The following EPHB1 variants were observed in gnomAD, a reference collection of about 807,000 sequenced individuals.
The protein encoded by EPHB1 is ephrin type-B receptor 1.
EPHB1 carries 30 observed loss-of-function variants against 94.4 expected under a neutral mutation model. The ratio of observed to expected loss-of-function variants is 0.32; its 90% CI spans 0.24 to 0.43. The LOEUF (loss-of-function observed/expected upper bound fraction) is 0.43, where lower values mean the gene tolerates loss of function less well. Among genes scored for constraint, EPHB1 ranks in the 20% least tolerant of loss-of-function variants. EPHB1 has a pLI of 1.00. For synonymous variants in EPHB1, 522 were observed against 489.1 expected, an observed-to-expected ratio of 1.07 and a Z score of -0.89; for missense variants, 1,055 against 1,308.3, an observed-to-expected ratio of 0.81 and a Z score of 2.99.
chr3:134,905,611 T>C (rs749060336), intron 1 of EPHB1, among the ~76,000 whole-genome samples: 92 of 152,166 alleles, frequency 6.0e-4, no homozygotes, highest in Non-Finnish European at 1.1e-3. Context: ...CAGCAGGTGG[T>C]GAGGTGGTTT....
intron 1 of EPHB1, among the ~76,000 whole-genome samples, chr3:134,868,500 G>A (rs1206335765): frequency 6.6e-6 from 1 of 152,164 alleles, no homozygotes; most frequent in Non-Finnish European, 1.5e-5. Flanking sequence ...TGGGAGAGAG[G>A]AAGTAAGGTG....
At chr3:135,012,207 A>G (rs748637441) in intron 3 of EPHB1, among the ~76,000 whole-genome samples, 2 of 152,214 alleles carry the variant, frequency 1.3e-5, no homozygotes, top group Non-Finnish European at 2.9e-5. Context: ...CTGCTCCAGG[A>G]CAGAGTAGTG....
At chr3:135,150,339 T>A (rs1941155093) in intron 5 of EPHB1, among the ~76,000 whole-genome samples, 1 of 152,228 alleles carries the variant, frequency 6.6e-6, no homozygotes, top group Non-Finnish European at 1.5e-5. Flanking sequence ...AGGAGCTATT[T>A]GTTCACCCTG....
chr3:134,797,730 ACCCCCGGTGCGGTGGCTTC>A (rs1183585617), intron 1 of EPHB1, among the ~76,000 whole-genome samples: 1 of 151,436 alleles, frequency 6.6e-6, no homozygotes, highest in Non-Finnish European at 1.5e-5. Flanking sequence ...GGAGCCACTT[ACCCCCGGTGCGGTGGCTTC>A]CCTTGCTGCA....
At chr3:134,955,103 T>TTTTTTTTTTTTA (rs1559770507) in intron 3 of EPHB1, among the ~76,000 whole-genome samples, 6 of 44,518 alleles carry the variant, frequency 1.3e-4, no homozygotes, top group Admixed American at 3.0e-4. Context: ...TTTTTTTTTT[T>TTTTTTTTTTTTA]AATTTTTTTT....
At chr3:134,912,598 G>A (rs1465858752) in intron 1 of EPHB1, among the ~76,000 whole-genome samples, 1 of 152,204 alleles carries the variant, frequency 6.6e-6, no homozygotes, top group Non-Finnish European at 1.5e-5. Context: ...AGGAATCTGA[G>A]TCAGGAGAAG....
At chr3:135,229,676 T>G (rs1351074583) in intron 12 of EPHB1, among the ~76,000 whole-genome samples, 1 of 152,156 alleles carries the variant, frequency 6.6e-6, no homozygotes, top group East Asian at 1.9e-4. Context: ...GTCTCCAAGT[T>G]GGCTAAGCAG....
intron 1 of EPHB1, among the ~76,000 whole-genome samples, chr3:134,810,131 T>C (rs1333938401): frequency 6.6e-6 from 1 of 152,242 alleles, no homozygotes; most frequent in Non-Finnish European, 1.5e-5. Context: ...TCTGAGGTCC[T>C]AGGAGATAAA....
At position 135,172,459 on chromosome 3, in the gene EPHB1, G is replaced by A. The variant is rs949760805; in HGVS notation, c.1759+5453G>A. 5.9e-5 allele frequency among the ~76,000 whole-genome samples: 9 copies of A among 152,210 alleles called. No homozygotes were observed. The South Asian group carries it at 1.2e-3, about 21-fold the overall frequency. On this transcript the variant is annotated intron_variant, in intron 9 of 15. Coordinates refer to ENST00000398015, the MANE Select transcript of EPHB1 (RefSeq NM_004441.5). ...CAGAGACTAGATAGCTGTCAGTAAA[G>A]GATGCTAGAGAGATTTCTGCTTTAG...
chr3:134,931,892 A>G (rs2038911322), intron 2 of EPHB1, among the ~76,000 whole-genome samples: 1 of 152,154 alleles, frequency 6.6e-6, no homozygotes, highest in Admixed American at 6.5e-5. Flanking sequence ...GCATACATGT[A>G]CATATGTATA....
chr3:134,805,887 C>G (rs79549395), intron 1 of EPHB1, among the ~76,000 whole-genome samples: 4,175 of 152,206 alleles, frequency 0.027, 137 homozygotes, highest in African/African-American at 0.064. Flanking sequence ...TCTATGGGAT[C>G]ACATTCCACA....
At chr3:134,921,089 C>T (rs1218519567) in intron 1 of EPHB1, among the ~76,000 whole-genome samples, 2 of 152,162 alleles carry the variant, frequency 1.3e-5, no homozygotes, top group African/African-American at 2.4e-5. Context: ...TCCCAGGTTC[C>T]TGCAAGTCAA....
intron 3 of EPHB1, among the ~76,000 whole-genome samples, chr3:134,976,948 C>G (rs1181126604): frequency 6.6e-6 from 1 of 152,140 alleles, no homozygotes; most frequent in Non-Finnish European, 1.5e-5. Flanking sequence ...CTATTTGAAA[C>G]CCAGTTCATC....
chr3:135,002,659 A>G (rs1935227189), intron 3 of EPHB1, among the ~76,000 whole-genome samples: 1 of 152,108 alleles, frequency 6.6e-6, no homozygotes, highest in Non-Finnish European at 1.5e-5. Flanking sequence ...CTATTCAGAG[A>G]TTCAACTTCT....
At chr3:134,895,828 G>C (rs1351595627) in intron 1 of EPHB1, among the ~76,000 whole-genome samples, 1 of 152,176 alleles carries the variant, frequency 6.6e-6, no homozygotes, top group Admixed American at 6.5e-5. Flanking sequence ...GGGTGAAGGA[G>C]TTTATGCAAT....
intron 1 of EPHB1, among the ~76,000 whole-genome samples, chr3:134,873,204 T>G (rs6439532): frequency 0.45 from 68,727 of 151,686 alleles, 18,087 homozygotes; most frequent in African/African-American, 0.74. Context: ...GAGCGAGAGG[T>G]TATGACAGCA....
chr3:135,211,619 G>A (rs1943034913), intron 12 of EPHB1, among the ~76,000 whole-genome samples: 1 of 152,100 alleles, frequency 6.6e-6, no homozygotes. Context: ...TTGTTTCATT[G>A]TCTTGTGGTT....
At chr3:134,996,540 GT>G (rs1438010870) in intron 3 of EPHB1, among the ~76,000 whole-genome samples, 1 of 152,118 alleles carries the variant, frequency 6.6e-6, no homozygotes, top group Non-Finnish European at 1.5e-5. Flanking sequence ...TTGGATTAAA[GT>G]TTTTCTCATT....
intron 15 of EPHB1, among the ~76,000 whole-genome samples, chr3:135,257,503 G>A: frequency 6.6e-6 from 1 of 152,108 alleles, no homozygotes. Flanking sequence ...GCCCCTGCTG[G>A]GGGGTGCCTC....
Sources: allele counts gnomAD v4.1 joint callset (sites outside exome capture counted in the v4.1 genomes callset), GRCh38; gene constraint gnomAD v4.1.1; transcripts MANE v1.5; gene names NCBI Gene and HGNC (gene_info 2026-07-23, HGNC 2026-07-21).